Variants in RPS6KC1 observed in about 807,000 individuals in gnomAD.
RPS6KC1 encodes inactive ribosomal protein S6 kinase delta-1.
In RPS6KC1, 54 loss-of-function variants were observed where a neutral mutation model predicts 103.8. The observed-to-expected ratio is 0.52, with a 90% CI of 0.42 to 0.65. The LOEUF (loss-of-function observed/expected upper bound fraction) is 0.65. Ranked by LOEUF, RPS6KC1 falls within the 30% of genes least tolerant of loss-of-function variation. RPS6KC1 has a pLI of 0.00. For missense variants in RPS6KC1, 1,151 were observed against 1,253.8 expected (o/e 0.92, Z 1.24); for synonymous variants, 439 against 438.7 (o/e 1.00, Z -0.01).
At chr1:213,205,444 C>T in intron 8 of RPS6KC1, 9 of 915,398 alleles carry the variant, frequency 9.8e-6, no homozygotes, top group Non-Finnish European at 1.2e-5. Flanking sequence ...AAGTAGCCCT[C>T]TTAATCAAAG....
chr1:213,051,332 C>T lies in RPS6KC1; in HGVS notation c.-73C>T. On this transcript the variant is annotated 5_prime_UTR_variant, in exon 1 of 15. Transcript: ENST00000366960. ...GCCGCTTCGCCGCTGCGTTGGGGAA[C>T]CTGGACCGCGGCGGCGCCGGGTTTC... The T allele has an allele frequency of 8.2e-7, 1 of 1,216,464 alleles. No homozygotes were observed. 75.4% of individuals were successfully genotyped at this position (1,216,464 alleles called of 1,614,324 possible).
chr1:213,149,758 A>G (rs1394148796), intron 6 of RPS6KC1, among the ~76,000 whole-genome samples: 1 of 152,212 alleles, frequency 6.6e-6, no homozygotes, highest in Non-Finnish European at 1.5e-5. Flanking sequence ...GTCTCCAGCT[A>G]TTATTAGATT....
chr1:213,060,069 C>T (rs1333823166), intron 1 of RPS6KC1, among the ~76,000 whole-genome samples: 1 of 152,232 alleles, frequency 6.6e-6, no homozygotes, highest in Non-Finnish European at 1.5e-5. Context: ...CCGCCCACCT[C>T]AGCCTCCCAA....
At chr1:213,248,556 A>G (rs1260294742) in intron 12 of RPS6KC1, among the ~76,000 whole-genome samples, 1 of 152,156 alleles carries the variant, frequency 6.6e-6, no homozygotes, top group African/African-American at 2.4e-5. Context: ...TGAAACTTGT[A>G]ACGTGAGTTT....
the RPS6KC1 span, among the ~76,000 whole-genome samples, chr1:213,330,522 C>T: frequency 5.9e-5 from 9 of 152,160 alleles, no homozygotes; most frequent in Admixed American, 6.5e-5. Flanking sequence ...CGTGTGCAAT[C>T]GGGGTTGTGA....
At chr1:213,660,017 G>A in the RPS6KC1 span, among the ~76,000 whole-genome samples, 1 of 152,104 alleles carries the variant, frequency 6.6e-6, no homozygotes, top group African/African-American at 2.4e-5. Flanking sequence ...ACCTAGAGCC[G>A]GGTGTGTGTC....
chr1:213,571,744 C>T, the RPS6KC1 span, among the ~76,000 whole-genome samples: 1 of 152,202 alleles, frequency 6.6e-6, no homozygotes, highest in South Asian at 2.1e-4. Context: ...TCACTGGAGG[C>T]ACTTTTGAGA....
the RPS6KC1 span, among the ~76,000 whole-genome samples, chr1:213,281,940 A>G: frequency 1.3e-5 from 2 of 151,472 alleles, no homozygotes; most frequent in Non-Finnish European, 2.9e-5. Context: ...TTACCAAGAG[A>G]CTCTTCCACA....
chr1:213,529,320 G>A, the RPS6KC1 span, among the ~76,000 whole-genome samples: 3 of 152,196 alleles, frequency 2.0e-5, no homozygotes, highest in African/African-American at 7.2e-5. Context: ...TGGGGAATGG[G>A]ATGAATTCAT....
chr1:213,712,377 A>T, the RPS6KC1 span, among the ~76,000 whole-genome samples: 19,593 of 152,222 alleles, frequency 0.13, 1,368 homozygotes, highest in Middle Eastern at 0.19. Flanking sequence ...ACCAAGCTCA[A>T]GTGTCCCAGG....
chr1:213,116,853 T>G (rs2083702021), intron 4 of RPS6KC1, among the ~76,000 whole-genome samples: 1 of 152,198 alleles, frequency 6.6e-6, no homozygotes, highest in African/African-American at 2.4e-5. Context: ...TTGAAAATTC[T>G]TTTCTTTAAG....
the RPS6KC1 span, among the ~76,000 whole-genome samples, chr1:213,783,058 G>A: frequency 6.6e-6 from 1 of 152,118 alleles, no homozygotes; most frequent in South Asian, 2.1e-4. Context: ...GTATGAACAG[G>A]GCTGTTCCAC....
intron 3 of RPS6KC1, among the ~76,000 whole-genome samples, chr1:213,082,224 T>C (rs2079962663): frequency 6.6e-6 from 1 of 151,270 alleles, no homozygotes; most frequent in Non-Finnish European, 1.5e-5. Context: ...ATCGAAACCA[T>C]CCTGGCTAAC....
At chr1:213,860,318 G>C in the RPS6KC1 span, among the ~76,000 whole-genome samples, 1 of 151,518 alleles carries the variant, frequency 6.6e-6, no homozygotes, top group African/African-American at 2.4e-5. Flanking sequence ...CTTATTAAAG[G>C]GTAAGTTCAC....
At chr1:213,704,658 G>A in the RPS6KC1 span, among the ~76,000 whole-genome samples, 2 of 152,152 alleles carry the variant, frequency 1.3e-5, no homozygotes, top group African/African-American at 4.8e-5. Context: ...TGGTGAGATC[G>A]TGTTTTCCTA....
intron 8 of RPS6KC1, among the ~76,000 whole-genome samples, chr1:213,179,853 C>CTGTCTCAAGCGATTCTAGAG (rs2092150030): frequency 6.6e-6 from 1 of 152,078 alleles, no homozygotes; most frequent in East Asian, 1.9e-4. Flanking sequence ...AATCGCTTGG[C>CTGTCTCAAGCGATTCTAGAG]ACATAATGGG....
chr1:213,726,166 G>A, the RPS6KC1 span, among the ~76,000 whole-genome samples: 4 of 152,124 alleles, frequency 2.6e-5, no homozygotes, highest in African/African-American at 7.2e-5. Flanking sequence ...CTCACTGCAA[G>A]CTTTGACCTC....
At chr1:213,361,229 T>C in the RPS6KC1 span, among the ~76,000 whole-genome samples, 1 of 152,228 alleles carries the variant, frequency 6.6e-6, no homozygotes, top group Non-Finnish European at 1.5e-5. Flanking sequence ...CCCTGCCACT[T>C]TGTTTACCTA....
At chr1:213,850,634 C>T in the RPS6KC1 span, among the ~76,000 whole-genome samples, 17 of 152,174 alleles carry the variant, frequency 1.1e-4, no homozygotes. Flanking sequence ...TAGCATTACA[C>T]TTAGGCTTAG....
Sources: allele counts gnomAD v4.1 joint callset (sites outside exome capture counted in the v4.1 genomes callset), GRCh38; gene constraint gnomAD v4.1.1; transcripts MANE v1.5; gene names NCBI Gene and HGNC (gene_info 2026-07-23, HGNC 2026-07-21).